Variants in JOSD1 observed in about 807,000 individuals in gnomAD.
The protein encoded by JOSD1 is Josephin domain containing 1, also known as josephin-1.
In JOSD1, 11 loss-of-function variants were observed where a neutral mutation model predicts 24.3. That is an observed-to-expected ratio of 0.45 (90% confidence interval 0.29 to 0.75). JOSD1 has a LOEUF of 0.75. Among genes scored for constraint, JOSD1 ranks in the 30% least tolerant of loss-of-function variants. JOSD1 has a pLI of 0.11. For synonymous variants in JOSD1, 106 were observed against 93.8 expected (o/e 1.13, Z -0.75); for missense variants, 184 against 253.5 (o/e 0.73, Z 1.86).
intron 2 of JOSD1, among the ~76,000 whole-genome samples, chr22:38,697,834 T>C (rs1009481947): frequency 1.3e-5 from 2 of 152,268 alleles, no homozygotes; most frequent in African/African-American, 2.4e-5. Flanking sequence ...TGTTCATGTG[T>C]GTTAGTGATC....
At chr22:38,698,697 C>T (rs769113903) in intron 2 of JOSD1, among the ~76,000 whole-genome samples, 37 of 152,192 alleles carry the variant, frequency 2.4e-4, no homozygotes, top group Admixed American at 9.2e-4. Context: ...TAAGACACCA[C>T]AGAACTGACT....
At chr22:38,697,300 C>T (rs1462883032) in intron 2 of JOSD1, among the ~76,000 whole-genome samples, 1 of 152,246 alleles carries the variant, frequency 6.6e-6, no homozygotes, top group African/African-American at 2.4e-5. Flanking sequence ...ATATAAAATA[C>T]TCTACACAGA....
chr22:38,690,771 G>C (rs780193516), intron 2 of JOSD1, among the ~76,000 whole-genome samples: 3 of 151,854 alleles, frequency 2.0e-5, no homozygotes, highest in Admixed American at 2.0e-4. Flanking sequence ...TTGTAATTCC[G>C]GCACTCTGGG....
In JOSD1 at chr22:38,700,069, T is replaced by C. The variant is rs2092561954; in HGVS notation, c.-82A>G. On this transcript the variant is annotated 5_prime_UTR_variant, in exon 2 of 5. Transcript: ENST00000683374. ...GAAGAATGTAAGCTTCTCAGTCTTT[T>C]CCGGATTCCTGAGGTCCACCTTATT... is the stretch of plus-strand genomic sequence containing the variant. 2.7e-6 allele frequency: 4 copies of C among 1,503,752 alleles called. No individual in the cohort carries two copies. Among genetic ancestry groups the C allele is most frequent in the Middle Eastern group, 3.6e-4 (2 of 5,578 alleles). The allele number at this position is 1,503,752 out of a possible 1,614,324, so 93.2% of individuals were successfully genotyped here.
rs760704781 is a variant in JOSD1 at position 38,687,852 on chromosome 22, G to A, written c.*50C>T. The A allele has an allele frequency of 1.3e-5, 17 of 1,290,404 alleles. No homozygotes were observed. The highest frequency in any genetic ancestry group is 6.9e-5 in the East Asian group (3 of 43,422). The allele number at this position is 1,290,404 out of a possible 1,614,324, so 79.9% of individuals were successfully genotyped here. On this transcript the variant is annotated 3_prime_UTR_variant, in exon 5 of 5. Coordinates refer to ENST00000683374, the MANE Select transcript of JOSD1 (RefSeq NM_001360236.2). Reference sequence around the variant, plus strand: ...AGACCCACTGTAGAGGCCACAGCACGTCACAGAGGACTGAAGGGGCTGAGG... The same window carrying A: ...AGACCCACTGTAGAGGCCACAGCACATCACAGAGGACTGAAGGGGCTGAGG...
rs1316110520 is a variant in JOSD1, at chr22:38,700,101, T to G, written c.-114A>C. Reference sequence around the variant, plus strand: ...TCCTGAGGTCCACCTTATTCTCTGGTGTCCATGATTTATGCTTTGTCACTG... The same window carrying G: ...TCCTGAGGTCCACCTTATTCTCTGGGGTCCATGATTTATGCTTTGTCACTG... On this transcript the variant is annotated 5_prime_UTR_variant, in exon 2 of 5. Transcript: ENST00000683374. 5 of 1,441,300 alleles carry G rather than the reference T, an allele frequency of 3.5e-6. No homozygotes were observed. Among genetic ancestry groups the G allele is most frequent in the Non-Finnish European group, 4.6e-6 (5 of 1,097,360 alleles). 89.3% of individuals were successfully genotyped at this position (1,441,300 alleles called of 1,614,324 possible).
intron 2 of JOSD1, among the ~76,000 whole-genome samples, chr22:38,690,397 ATTT>A (rs969491846): frequency 1.3e-5 from 2 of 151,606 alleles, no homozygotes; most frequent in Non-Finnish European, 2.9e-5. Flanking sequence ...AAATACTGGT[ATTT>A]TTTTTCTTTC....
In JOSD1 at chr22:38,700,180, C is replaced by T. The variant is rs1482559668; in HGVS notation, c.-193G>A. The stretch of plus-strand genomic sequence containing the variant: ...AAATAAAACCCACCTCTTCTCTCTT[C>T]TCAATAGAAAAATAACTTTTGGATT... On this transcript the variant is annotated 5_prime_UTR_variant, in exon 2 of 5. Coordinates refer to ENST00000683374, the MANE Select transcript of JOSD1 (RefSeq NM_001360236.2). 9.0e-5 allele frequency: 115 copies of T among 1,283,768 alleles called. No homozygotes were observed. Among genetic ancestry groups the T allele is most frequent in the Non-Finnish European group, 1.1e-4 (112 of 1,015,350 alleles). The allele number at this position is 1,283,768 out of a possible 1,614,324, so 79.5% of individuals were successfully genotyped here.
At chr22:38,690,547 C>T (rs1348912856) in intron 2 of JOSD1, among the ~76,000 whole-genome samples, 1 of 151,882 alleles carries the variant, frequency 6.6e-6, no homozygotes, top group Non-Finnish European at 1.5e-5. Context: ...GGATTACAGG[C>T]ACCCGCCACC....
intron 2 of JOSD1, 139 bp from the exon 3 acceptor site, chr22:38,689,563 T>G (rs1329334022): frequency 8.9e-7 from 1 of 1,123,386 alleles, no homozygotes; most frequent in Non-Finnish European, 1.3e-6. Flanking sequence ...TTTCCCCAGC[T>G]TCTACCTAAG....
intron 2 of JOSD1, among the ~76,000 whole-genome samples, 169 bp downstream of exon 2, chr22:38,699,634 T>G (rs924327172): frequency 6.6e-6 from 1 of 152,240 alleles, no homozygotes; most frequent in African/African-American, 2.4e-5. Flanking sequence ...CCACCGTAAG[T>G]GCCTGATAAA....
intron 2 of JOSD1, among the ~76,000 whole-genome samples, chr22:38,693,473 T>C (rs781204069): frequency 6.6e-5 from 10 of 152,224 alleles, no homozygotes; most frequent in African/African-American, 9.6e-5. Flanking sequence ...TTTGTATATA[T>C]AGGAACTGAC....
intron 2 of JOSD1, 133 bp from the exon 3 acceptor site, chr22:38,689,557 C>T (rs2092512818): frequency 8.5e-7 from 1 of 1,174,686 alleles, no homozygotes; most frequent in Non-Finnish European, 1.2e-6. Flanking sequence ...GTGCAATTTC[C>T]CCAGCTTCTA....
chr22:38,694,503 A>C (rs550583125), intron 2 of JOSD1, among the ~76,000 whole-genome samples: 2 of 152,248 alleles, frequency 1.3e-5, no homozygotes, highest in Non-Finnish European at 2.9e-5. Context: ...TGGGCTACAA[A>C]GTGAGCCTCT....
At chr22:38,701,393 C>T (rs1415055561), upstream of JOSD1, 3 of 152,294 alleles carry the variant, frequency 2.0e-5, no homozygotes, top group Admixed American at 1.3e-4. Flanking sequence ...CTCGCTCCTT[C>T]TGCGTTGACT....
Position 38,699,999 on chromosome 22 carries a change from T to C in JOSD1, c.-12A>G. On this transcript the variant is annotated 5_prime_UTR_variant, in exon 2 of 5. Coordinates refer to ENST00000683374, the MANE Select transcript of JOSD1 (RefSeq NM_001360236.2). The stretch of plus-strand genomic sequence containing the variant: ...GGCACACAACTCATGTTTTTTGTTT[T>C]AGGTTCCAGAGATGGCTATAAACAC... The C allele has an allele frequency of 6.3e-7, 1 of 1,583,000 alleles. No homozygotes were observed. Among genetic ancestry groups the C allele is most frequent in the Non-Finnish European group, 8.6e-7 (1 of 1,164,240 alleles).
In JOSD1 at chr22:38,700,530, G is replaced by A. The variant is rs918443190; in HGVS notation, c.-543C>T. 5.1e-6 allele frequency: 5 copies of A among 986,098 alleles called. No homozygotes were observed. The highest frequency in any genetic ancestry group is 3.5e-5 in the African/African-American group (2 of 57,358). The allele number at this position is 986,098 out of a possible 1,614,324, so 61.1% of individuals were successfully genotyped here. A position where few individuals can be genotyped will look rare whatever the true frequency, so the allele number is the denominator to read the frequency against. ...GACCGCGAGCCGCGCGGGGGCCTCGGGGGCAGCCCTCCATCCCCTCGGGTA... is the reference window on the plus strand; with the variant it reads ...GACCGCGAGCCGCGCGGGGGCCTCGAGGGCAGCCCTCCATCCCCTCGGGTA... On this transcript the variant is annotated 5_prime_UTR_variant, in exon 2 of 5. Coordinates refer to ENST00000683374, the MANE Select transcript of JOSD1 (RefSeq NM_001360236.2).
Position 38,700,289 on chromosome 22 carries a change from T to TGCCA in JOSD1, c.-303_-302insTGGC. ...GACCTTGTTTCCGTTTCCCCACCCTTCCCTCCCACCCCCCTCCAAAATCCC... is the reference window on the plus strand; with the variant it reads ...GACCTTGTTTCCGTTTCCCCACCCTTGCCACCCTCCCACCCCCCTCCAAAATCCC... On this transcript the variant is annotated 5_prime_UTR_variant, in exon 2 of 5. Transcript: ENST00000683374. 1 of 894,456 alleles carries TGCCA rather than the reference T, an allele frequency of 1.1e-6. No homozygotes were observed. The highest frequency in any genetic ancestry group is 1.4e-6 in the Non-Finnish European group (1 of 733,828). The allele number at this position is 894,456 out of a possible 1,614,324, so 55.4% of individuals were successfully genotyped here. A position where few individuals can be genotyped will look rare whatever the true frequency, so the allele number is the denominator to read the frequency against.
intron 2 of JOSD1, among the ~76,000 whole-genome samples, chr22:38,689,912 CTGTGTG>C (rs57064558): frequency 3.5e-4 from 51 of 144,620 alleles, no homozygotes; most frequent in Middle Eastern, 3.4e-3. Flanking sequence ...TAAAGGCATT[CTGTGTG>C]TGTGTGTGTG....
Sources: allele counts gnomAD v4.1 joint callset (sites outside exome capture counted in the v4.1 genomes callset), GRCh38; gene constraint gnomAD v4.1.1; transcripts MANE v1.5; gene names NCBI Gene and HGNC (gene_info 2026-07-23, HGNC 2026-07-21).